NLGN1: variants seen among roughly 807,000 people sequenced by gnomAD.
NLGN1 encodes neuroligin 1.
Under a neutral mutation model 65.5 loss-of-function variants are expected in NLGN1, and 12 were observed. That is an observed-to-expected ratio of 0.18 (90% CI 0.12 to 0.30). The LOEUF (loss-of-function observed/expected upper bound fraction) is 0.30. Among genes scored for constraint, NLGN1 ranks in the 10% least tolerant of loss-of-function variants. The pLI is 1.00. For synonymous variants in NLGN1, 350 were observed against 359.5 expected (o/e 0.97, Z 0.30); for missense variants, 750 against 1,007.1 (o/e 0.74, Z 3.46).
chr3:174,232,840 G>C (rs551657773), intron 4 of NLGN1, among the ~76,000 whole-genome samples: 9 of 152,288 alleles, frequency 5.9e-5, no homozygotes, highest in South Asian at 4.1e-4. Context: ...AAATGGTTCC[G>C]ACTCTCAAAA....
chr3:174,127,032 T>A (rs1245871165), intron 4 of NLGN1, among the ~76,000 whole-genome samples: 1 of 152,092 alleles, frequency 6.6e-6, no homozygotes, highest in Non-Finnish European at 1.5e-5. Context: ...CACCATTTTT[T>A]CCAAAAATGT....
chr3:173,703,640 C>T (rs1342745527), intron 3 of NLGN1, among the ~76,000 whole-genome samples: 1 of 152,150 alleles, frequency 6.6e-6, no homozygotes, highest in Non-Finnish European at 1.5e-5. Flanking sequence ...TGAATTCATA[C>T]ATTCAAGTGT....
At chr3:173,807,104 A>G (rs999139928) in intron 3 of NLGN1, among the ~76,000 whole-genome samples, 4 of 152,174 alleles carry the variant, frequency 2.6e-5, no homozygotes, top group Admixed American at 2.6e-4. Flanking sequence ...TCGTGCCTAA[A>G]CATTCATCTG....
intron 3 of NLGN1, among the ~76,000 whole-genome samples, chr3:173,804,657 C>CAAAAAA (rs34786560): frequency 1.0e-4 from 14 of 138,026 alleles, no homozygotes; most frequent in African/African-American, 3.7e-4. Flanking sequence ...CTATTTACAT[C>CAAAAAA]AAAAAAAAAA....
chr3:173,987,641 A>G (rs1368231517), intron 4 of NLGN1, among the ~76,000 whole-genome samples: 6 of 152,140 alleles, frequency 3.9e-5, no homozygotes, highest in East Asian at 3.8e-4. Context: ...CAACACCACA[A>G]TTATCACCAT....
chr3:173,538,299 C>G (rs542810659), intron 2 of NLGN1, among the ~76,000 whole-genome samples: 2 of 152,316 alleles, frequency 1.3e-5, no homozygotes, highest in African/African-American at 4.8e-5. Flanking sequence ...CCACCATTCT[C>G]TGAAACCAGC....
intron 4 of NLGN1, among the ~76,000 whole-genome samples, chr3:173,836,447 G>A (rs1026764671): frequency 1.3e-5 from 2 of 151,910 alleles, no homozygotes; most frequent in African/African-American, 4.8e-5. Flanking sequence ...ATTGATTTAT[G>A]GACCTTAATT....
chr3:173,960,479 T>C (rs2152346187), intron 4 of NLGN1, among the ~76,000 whole-genome samples: 1 of 151,986 alleles, frequency 6.6e-6, no homozygotes, highest in East Asian at 1.9e-4. Flanking sequence ...TTTAGAGATT[T>C]GTAGAGGGTT....
intron 3 of NLGN1, among the ~76,000 whole-genome samples, chr3:173,615,738 CATCT>C (rs1157837395): frequency 2.7e-5 from 3 of 112,186 alleles, no homozygotes; most frequent in Non-Finnish European, 3.6e-5. Context: ...ACTTTCCATC[CATCT>C]GTTTTTTTTT....
chr3:174,033,154 C>T (rs530272763), intron 4 of NLGN1, among the ~76,000 whole-genome samples: 74 of 152,124 alleles, frequency 4.9e-4, no homozygotes, highest in African/African-American at 1.7e-3. Context: ...CGCCACGGGG[C>T]CCTAATAGAA....
chr3:173,524,997 C>A (rs1735388143), intron 2 of NLGN1, among the ~76,000 whole-genome samples: 1 of 152,062 alleles, frequency 6.6e-6, no homozygotes, highest in Non-Finnish European at 1.5e-5. Context: ...TTTTGCTTGT[C>A]TTTTCATCAG....
chr3:174,103,584 A>G (rs114235722), intron 4 of NLGN1, among the ~76,000 whole-genome samples: 199 of 152,248 alleles, frequency 1.3e-3, no homozygotes, highest in Middle Eastern at 3.4e-3. Context: ...CCATTATAAT[A>G]TAGTAAAGTA....
At chr3:173,798,230 G>C (rs1345912171) in intron 3 of NLGN1, among the ~76,000 whole-genome samples, 1 of 152,102 alleles carries the variant, frequency 6.6e-6, no homozygotes, top group Non-Finnish European at 1.5e-5. Context: ...AAATTGGAAA[G>C]TAGATAGTGG....
At chr3:173,691,951 C>T (rs1294535637) in intron 3 of NLGN1, among the ~76,000 whole-genome samples, 1 of 152,006 alleles carries the variant, frequency 6.6e-6, no homozygotes, top group Non-Finnish European at 1.5e-5. Context: ...AAATTGACTG[C>T]ACAATGCATC....
At chr3:174,027,640 A>C (rs919159641) in intron 4 of NLGN1, among the ~76,000 whole-genome samples, 1 of 152,186 alleles carries the variant, frequency 6.6e-6, no homozygotes, top group African/African-American at 2.4e-5. Flanking sequence ...AGACAGAGAC[A>C]CATCAGTTCA....
rs960870040 is a variant in NLGN1 at position 174,017,690 on chromosome 3, C to T, written c.646+209858C>T. 5.3e-5 allele frequency among the ~76,000 whole-genome samples: 8 copies of T among 152,110 alleles called. No individual in the cohort carries two copies. The East Asian group carries it at 5.8e-4, about 11-fold the overall frequency. On this transcript the variant is annotated intron_variant, in intron 4 of 6. Coordinates refer to ENST00000457714, the Ensembl canonical transcript of NLGN1. ...AGGTTCCGTGATGCCCCCGTCAAGC[C>T]GCAAAACCAGCAAGTTTTTATTAGT...
intron 3 of NLGN1, among the ~76,000 whole-genome samples, chr3:173,662,495 C>T (rs563711178): frequency 4.6e-5 from 7 of 151,916 alleles, no homozygotes; most frequent in Non-Finnish European, 5.9e-5. Flanking sequence ...ATAATTTGTG[C>T]AGCTTAAAGT....
chr3:173,916,034 T>C (rs943283464), intron 4 of NLGN1, among the ~76,000 whole-genome samples: 7 of 152,154 alleles, frequency 4.6e-5, no homozygotes, highest in Admixed American at 2.0e-4. Flanking sequence ...TGGGTTAACA[T>C]GAGCATGTTT....
At chr3:174,195,445 A>G (rs1477075011) in intron 4 of NLGN1, among the ~76,000 whole-genome samples, 1 of 152,236 alleles carries the variant, frequency 6.6e-6, no homozygotes, top group Non-Finnish European at 1.5e-5. Context: ...TTTATTAACT[A>G]CACTCAAAGA....
Sources: gnomAD v4.1 joint callset for allele counts (sites outside exome capture counted in the v4.1 genomes callset) on GRCh38, gnomAD v4.1.1 for gene constraint, MANE v1.5 for transcripts, NCBI Gene and HGNC (gene_info 2026-07-23, HGNC 2026-07-21) for gene names.